Variants in CYFIP1 observed in about 807,000 individuals in gnomAD.
CYFIP1 encodes cytoplasmic FMR1-interacting protein 1.
In CYFIP1, 58 loss-of-function variants were observed where a neutral mutation model predicts 163.5. That is an observed-to-expected ratio of 0.35 (90% CI 0.29 to 0.44). CYFIP1 has a LOEUF of 0.44. CYFIP1 is among the 20% of genes least tolerant of loss of function. The pLI, the probability that CYFIP1 is intolerant of heterozygous loss-of-function variation, is 1.00. For synonymous variants in CYFIP1, 663 were observed against 660.7 expected, an observed-to-expected ratio of 1.00 and a Z score of -0.05; for missense variants, 1,338 against 1,653.8, an observed-to-expected ratio of 0.81 and a Z score of 3.31.
At chr15:22,967,523 G>A (rs1486355210) in intron 1 of CYFIP1, among the ~76,000 whole-genome samples, 4 of 152,120 alleles carry the variant, frequency 2.6e-5, no homozygotes, top group African/African-American at 9.7e-5. Flanking sequence ...GACATGTGCC[G>A]GCCTGTGTCT....
chr15:22,930,389 C>CAAAAA lies in CYFIP1; in HGVS notation c.1110+1829_1110+1833dup, dbSNP rs35398202. Among the ~76,000 whole-genome samples, 359 of 113,884 alleles carry CAAAAA rather than the reference C, an allele frequency of 3.2e-3. 2 individuals are homozygous for CAAAAA. In the East Asian group the frequency reaches 0.061, roughly 20 times the overall value. The allele number at this position is 113,884 out of a possible 152,430, so 74.7% of individuals were successfully genotyped here. On this transcript the variant is annotated intron_variant, in intron 11 of 30. Coordinates refer to ENST00000617928, the MANE Select transcript of CYFIP1 (RefSeq NM_014608.6). ...CGACACAGCAAGACTCCGTCTCACC[C>CAAAAA]AAAAAAAAAAAAAAAAAAAAAAACT... is the stretch of plus-strand genomic sequence containing the variant.
intron 1 of CYFIP1, among the ~76,000 whole-genome samples, chr15:22,951,108 T>G (rs1326408663): frequency 6.6e-6 from 1 of 151,972 alleles, no homozygotes; most frequent in African/African-American, 2.4e-5. Flanking sequence ...CACAGATACA[T>G]GGAAACAATT....
intron 1 of CYFIP1, chr15:22,951,430 T>C: frequency 7.8e-7 from 1 of 1,289,454 alleles, no homozygotes; most frequent in Non-Finnish European, 1.0e-6. Context: ...AGAGCCAGCA[T>C]GGGGGGCCTG....
chr15:22,918,867 G>A lies in CYFIP1; in HGVS notation c.1360-9C>T, dbSNP rs749127913. ...TTGATCATGGCGATCACCTGCGGGG[G>A]ACACAGCAACAGGGACGGCCCTTCT... On this transcript the variant is annotated splice_polypyrimidine_tract_variant and intron_variant, in intron 13 of 30. Coordinates refer to ENST00000617928, the MANE Select transcript of CYFIP1 (RefSeq NM_014608.6). 1 of 1,587,664 alleles carries A rather than the reference G, an allele frequency of 6.3e-7. No individual in the cohort carries two copies. Among genetic ancestry groups the A allele is most frequent in the Non-Finnish European group, 8.6e-7 (1 of 1,167,208 alleles).
In CYFIP1 at chr15:22,873,945, A is replaced by ATGGGGTTTC. The variant is rs531601042; in HGVS notation, c.3211-225_3211-217dup. Among the ~76,000 whole-genome samples the ATGGGGTTTC allele has an allele frequency of 9.4e-4, 143 of 152,242 alleles. 1 individual carries two copies. Among genetic ancestry groups the ATGGGGTTTC allele is most frequent in the African/African-American group, 3.3e-3 (138 of 41,518 alleles). On this transcript the variant is annotated intron_variant, in intron 28 of 30. Coordinates refer to ENST00000617928, the MANE Select transcript of CYFIP1 (RefSeq NM_014608.6). ...GATAATTTTTGTATTTTTTGTAGAG[A>ATGGGGTTTC]TGGGGTTTCGCCATGTTGCCCAGGC... is the stretch of plus-strand genomic sequence containing the variant.
intron 22 of CYFIP1, among the ~76,000 whole-genome samples, chr15:22,902,169 T>C (rs1315876535): frequency 1.3e-5 from 2 of 152,208 alleles, no homozygotes; most frequent in East Asian, 3.9e-4. Flanking sequence ...GGGTCCCCCA[T>C]GGGTCCAGGG....
Position 22,928,042 on chromosome 15 carries a change from G to T in CYFIP1, c.1111-14C>A. 1 of 1,504,526 alleles carries T rather than the reference G, an allele frequency of 6.6e-7. No homozygotes were observed. The highest frequency in any genetic ancestry group is 2.6e-5 in the Admixed American group (1 of 38,516). 93.2% of individuals were successfully genotyped at this position (1,504,526 alleles called of 1,614,324 possible). ...GCCCGTGACCACCTGCACAAGGCGG[G>T]CACGGCCCCGTGAGAAACCAGCGCC... On this transcript the variant is annotated splice_polypyrimidine_tract_variant and intron_variant, in intron 11 of 30. Transcript: ENST00000617928.
chr15:22,874,475 G>T, intron 28 of CYFIP1, 75 bp downstream of exon 28: 1 of 1,162,208 alleles, frequency 8.6e-7, no homozygotes, highest in South Asian at 1.5e-5. Flanking sequence ...CTTCCAGTCT[G>T]GCTCCCAACC....
intron 23 of CYFIP1, among the ~76,000 whole-genome samples, chr15:22,889,182 T>C (rs759486051): frequency 1.1e-4 from 16 of 152,210 alleles, no homozygotes; most frequent in Admixed American, 2.0e-4. Context: ...TGCAAATAGT[T>C]GAATTTAAAA....
intron 28 of CYFIP1, 29 bp downstream of exon 28, chr15:22,874,521 A>C (rs776712501): frequency 6.6e-7 from 1 of 1,522,736 alleles, no homozygotes; most frequent in African/African-American, 1.4e-5. Context: ...CCAGCTTGCA[A>C]CAGCCACAGC....
intron 17 of CYFIP1, among the ~76,000 whole-genome samples, chr15:22,912,634 A>G (rs920326846): frequency 1.1e-4 from 17 of 152,332 alleles, no homozygotes; most frequent in African/African-American, 3.8e-4. Context: ...AATGAACTCC[A>G]AGGACCAGGC....
intron 30 of CYFIP1, among the ~76,000 whole-genome samples, chr15:22,870,766 C>G (rs2059411806): frequency 6.6e-6 from 1 of 152,166 alleles, no homozygotes; most frequent in East Asian, 1.9e-4. Context: ...ACTGTCTGCT[C>G]AAAGCTGGGG....
intron 23 of CYFIP1, among the ~76,000 whole-genome samples, chr15:22,887,746 G>A (rs115009142): frequency 0.016 from 2,509 of 152,244 alleles, 78 homozygotes; most frequent in African/African-American, 0.056. Flanking sequence ...GTGGGAGGAG[G>A]CACTACTTCT....
chr15:22,871,580 G>C (rs545548211), intron 30 of CYFIP1, among the ~76,000 whole-genome samples: 6 of 152,172 alleles, frequency 3.9e-5, no homozygotes, highest in Non-Finnish European at 8.8e-5. Flanking sequence ...TCCACTCCAC[G>C]GGGCCTGGGC....
chr15:22,903,308 T>C (rs2060458962), intron 22 of CYFIP1, among the ~76,000 whole-genome samples: 2 of 151,802 alleles, frequency 1.3e-5, no homozygotes, highest in South Asian at 4.2e-4. Flanking sequence ...AGGCTGAACC[T>C]CAGGATACTG....
At chr15:22,975,521 G>A (rs904462147) in intron 1 of CYFIP1, among the ~76,000 whole-genome samples, 1 of 151,370 alleles carries the variant, frequency 6.6e-6, no homozygotes, top group South Asian at 2.1e-4. Context: ...CTGGGAGGCA[G>A]AGGCAGAGGC....
chr15:22,958,552 G>C lies in CYFIP1; in HGVS notation c.-6-11261C>G, dbSNP rs116859560. On this transcript the variant is annotated intron_variant, in intron 1 of 30. Transcript: ENST00000617928. ...ACCCTGAAAGAGAGCACGTCTCCAC[G>C]CCACATGGCCTCCGCCCCCCACCTT... 1.7e-3 allele frequency among the ~76,000 whole-genome samples: 260 copies of C among 152,288 alleles called. 7 individuals are homozygous for C. In the East Asian group the frequency reaches 0.047, roughly 27 times the overall value.
chr15:22,874,470 A>G (rs1316683189), intron 28 of CYFIP1, 80 bp downstream of exon 28: 3 of 1,090,248 alleles, frequency 2.8e-6, no homozygotes, highest in African/African-American at 1.6e-5. Flanking sequence ...GATGCCTTCC[A>G]GTCTGGCTCC....
chr15:22,874,984 A>G lies in CYFIP1; in HGVS notation c.3115+215T>C, dbSNP rs774020783. Among the ~76,000 whole-genome samples, 4 of 152,154 alleles carry G rather than the reference A, an allele frequency of 2.6e-5. No homozygotes were observed. The South Asian group carries it at 8.3e-4, about 31-fold the overall frequency. On this transcript the variant is annotated intron_variant, in intron 27 of 30. Transcript: ENST00000617928. ...AACTCCCCCTGCTCCCATGCTATTG[A>G]TATTTGGAAGCAATTCTAAGACATC...
Sources: gnomAD v4.1 joint callset for allele counts (sites outside exome capture counted in the v4.1 genomes callset) on GRCh38, gnomAD v4.1.1 for gene constraint, MANE v1.5 for transcripts, NCBI Gene and HGNC (gene_info 2026-07-23, HGNC 2026-07-21) for gene names.